JARID2: variants seen among roughly 807,000 people sequenced by gnomAD.
JARID2 encodes jumonji and AT-rich interaction domain containing 2, also known as protein Jumonji.
JARID2 carries 21 observed loss-of-function variants against 125.6 expected under a neutral mutation model. That is an observed-to-expected ratio of 0.17 (90% CI 0.12 to 0.24). The LOEUF (loss-of-function observed/expected upper bound fraction) is 0.24. Ranked by LOEUF, JARID2 falls within the 10% of genes least tolerant of loss-of-function variation. JARID2 has a pLI of 1.00. For synonymous variants in JARID2, 736 were observed against 661.6 expected (o/e 1.11, Z -1.73); for missense variants, 1,303 against 1,639.6 (o/e 0.79, Z 3.55).
At chr6:15,392,680 C>CTT (rs35429221) in intron 2 of JARID2, among the ~76,000 whole-genome samples, 4,793 of 120,810 alleles carry the variant, frequency 0.04, 298 homozygotes, top group African/African-American at 0.09. Flanking sequence ...GATTAAGAGA[C>CTT]TTTTTTTTTT....
intron 1 of JARID2, among the ~76,000 whole-genome samples, chr6:15,266,532 C>CA (rs1352442745): frequency 6.6e-6 from 1 of 152,202 alleles, no homozygotes; most frequent in Non-Finnish European, 1.5e-5. Flanking sequence ...GTCAGCCTAG[C>CA]AGCGCTTGGT....
chr6:15,255,173 C>T (rs1759615372), intron 1 of JARID2, among the ~76,000 whole-genome samples: 1 of 135,632 alleles, frequency 7.4e-6, no homozygotes, highest in African/African-American at 2.7e-5. Context: ...ACGAGTCTCA[C>T]TTTGTTGCCA....
chr6:15,405,346 T>A (rs1765604434), intron 2 of JARID2, among the ~76,000 whole-genome samples: 1 of 152,222 alleles, frequency 6.6e-6, no homozygotes, highest in South Asian at 2.1e-4. Context: ...TGTGTTCAAT[T>A]TCTTTAGAGT....
intron 6 of JARID2, among the ~76,000 whole-genome samples, chr6:15,490,843 A>G (rs185563273): frequency 2.0e-5 from 3 of 152,238 alleles, no homozygotes; most frequent in African/African-American, 7.2e-5. Context: ...CAGGTTTTGT[A>G]CTTGTGTAGA....
intron 1 of JARID2, among the ~76,000 whole-genome samples, chr6:15,313,762 A>G (rs1184172149): frequency 6.6e-6 from 1 of 152,210 alleles, no homozygotes; most frequent in Admixed American, 6.5e-5. Flanking sequence ...TTTAAGCACC[A>G]ATTATTAGAA....
At chr6:15,292,502 C>T (rs1761264773) in intron 1 of JARID2, among the ~76,000 whole-genome samples, 1 of 152,114 alleles carries the variant, frequency 6.6e-6, no homozygotes, top group Admixed American at 6.5e-5. Context: ...TGGAAATAGA[C>T]ATCTTAAAGT....
Position 15,520,494 on chromosome 6 carries a change from G to C in JARID2, c.*243G>C, listed in dbSNP as rs1415805044. ...TATAGTCACTGTTTTAAAAACCCCGGAGGGGCTGTATTAATTTGTATTGCC... is the reference window on the plus strand; with the variant it reads ...TATAGTCACTGTTTTAAAAACCCCGCAGGGGCTGTATTAATTTGTATTGCC... On this transcript the variant is annotated 3_prime_UTR_variant, in exon 18 of 18. Coordinates refer to ENST00000341776, the MANE Select transcript of JARID2 (RefSeq NM_004973.4). 3 of 411,574 alleles carry C rather than the reference G, an allele frequency of 7.3e-6. No homozygotes were observed. Among genetic ancestry groups the C allele is most frequent in the East Asian group, 8.8e-5 (2 of 22,616 alleles). 25.5% of individuals were successfully genotyped at this position (411,574 alleles called of 1,614,324 possible).
At chr6:15,336,039 T>A (rs1029718626) in intron 1 of JARID2, among the ~76,000 whole-genome samples, 3 of 152,062 alleles carry the variant, frequency 2.0e-5, no homozygotes, top group African/African-American at 7.2e-5. Flanking sequence ...GAGCTGAGAT[T>A]GTGCCACTGC....
At chr6:15,323,056 A>T (rs1192881970) in intron 1 of JARID2, among the ~76,000 whole-genome samples, 1 of 152,222 alleles carries the variant, frequency 6.6e-6, no homozygotes, top group Admixed American at 6.5e-5. Flanking sequence ...AAACACCAGG[A>T]CTGTAGGTTA....
intron 2 of JARID2, chr6:15,400,771 T>G: frequency 1.0e-6 from 1 of 984,626 alleles, no homozygotes. Context: ...CCCCTCCCCC[T>G]CGGCCCCATT....
At chr6:15,361,242 C>T (rs539222062) in intron 1 of JARID2, among the ~76,000 whole-genome samples, 2 of 152,310 alleles carry the variant, frequency 1.3e-5, no homozygotes, top group Admixed American at 6.5e-5. Flanking sequence ...TTTGGCACCA[C>T]CCTGGTCCTC....
chr6:15,518,611 A>G (rs1272995138), intron 17 of JARID2, among the ~76,000 whole-genome samples: 1 of 152,062 alleles, frequency 6.6e-6, no homozygotes, highest in Non-Finnish European at 1.5e-5. Context: ...TTTCTGGAGT[A>G]GCTGGGATTA....
intron 9 of JARID2, among the ~76,000 whole-genome samples, chr6:15,506,742 C>T (rs1243727101): frequency 6.6e-6 from 1 of 152,208 alleles, no homozygotes; most frequent in Non-Finnish European, 1.5e-5. Flanking sequence ...GGTTACCGTG[C>T]TTAGCATAAT....
chr6:15,519,222 T>A (rs116492661), intron 17 of JARID2, among the ~76,000 whole-genome samples: 181 of 152,370 alleles, frequency 1.2e-3, no homozygotes, highest in Middle Eastern at 3.4e-3. Context: ...AAATGGGTTT[T>A]ATGGCAGCTC....
intron 1 of JARID2, among the ~76,000 whole-genome samples, chr6:15,283,577 T>C (rs1760868754): frequency 6.6e-6 from 1 of 151,210 alleles, no homozygotes; most frequent in Non-Finnish European, 1.5e-5. Flanking sequence ...CTGCCGACCT[T>C]GTGCTCCGCC....
At position 15,354,237 on chromosome 6, in the gene JARID2, T is replaced by G. The variant is rs918859154; in HGVS notation, c.46-19880T>G. The stretch of plus-strand genomic sequence containing the variant: ...AGGACCGAAGGTGGGAGTGATGCAG[T>G]TTGAGGATGGATAAGGGGGCCACAA... On this transcript the variant is annotated intron_variant, in intron 1 of 17. Coordinates refer to ENST00000341776, the MANE Select transcript of JARID2 (RefSeq NM_004973.4). Among the ~76,000 whole-genome samples, 4 of 151,824 alleles carry G rather than the reference T, an allele frequency of 2.6e-5. No individual in the cohort carries two copies. The South Asian group carries it at 8.3e-4, about 32-fold the overall frequency.
rs1048393857 is a variant in JARID2, at chr6:15,351,597, A to G, written c.46-22520A>G. 1.3e-5 allele frequency among the ~76,000 whole-genome samples: 2 copies of G among 152,172 alleles called. 1 individual carries two copies. The highest frequency in any genetic ancestry group is 2.9e-5 in the Non-Finnish European group (2 of 68,028). On this transcript the variant is annotated intron_variant, in intron 1 of 17. Transcript: ENST00000341776. ...TGATGCTAGGAGTAGGTGCATTTAT[A>G]TCACACAAGGCTACCGACTTGCACC...
At chr6:15,427,467 C>T (rs945844211) in intron 3 of JARID2, among the ~76,000 whole-genome samples, 1 of 151,732 alleles carries the variant, frequency 6.6e-6, no homozygotes, top group Admixed American at 6.6e-5. Flanking sequence ...GATCAGATTG[C>T]AGGGATATCA....
intron 1 of JARID2, among the ~76,000 whole-genome samples, chr6:15,284,511 CTTTTT>C (rs11286654): frequency 7.1e-6 from 1 of 140,300 alleles, no homozygotes; most frequent in Non-Finnish European, 1.6e-5. Context: ...TTTTATAATC[CTTTTT>C]TTTTTTTTTT....
Sources: allele counts gnomAD v4.1 joint callset (sites outside exome capture counted in the v4.1 genomes callset), GRCh38; gene constraint gnomAD v4.1.1; transcripts MANE v1.5; gene names NCBI Gene and HGNC (gene_info 2026-07-23, HGNC 2026-07-21).